WDR7: variants seen among roughly 807,000 people sequenced by gnomAD.
WDR7 encodes WD repeat-containing protein 7.
A neutral mutation model predicts 169.4 loss-of-function variants in WDR7; 46 were observed. That is an observed-to-expected ratio of 0.27 (90% CI 0.21 to 0.35). WDR7 has a LOEUF of 0.35. Ranked by LOEUF, WDR7 falls within the 10% of genes least tolerant of loss-of-function variation. The pLI is 1.00. For missense variants in WDR7, 1,534 were observed against 1,859.3 expected (o/e 0.83, Z 3.22); for synonymous variants, 612 against 666.8 (o/e 0.92, Z 1.27).
intron 12 of WDR7, among the ~76,000 whole-genome samples, chr18:56,716,665 G>A (rs2026198994): frequency 6.6e-6 from 1 of 152,154 alleles, no homozygotes; most frequent in South Asian, 2.1e-4. Flanking sequence ...GTTATAGACA[G>A]AAAATTCAGT....
At chr18:56,907,788 G>A (rs775752983) in intron 21 of WDR7, among the ~76,000 whole-genome samples, 6 of 152,086 alleles carry the variant, frequency 3.9e-5, no homozygotes, top group Admixed American at 3.3e-4. Flanking sequence ...TAGAAAGGGT[G>A]AACAAACTCC....
chr18:56,919,457 C>T (rs575428651), intron 21 of WDR7, among the ~76,000 whole-genome samples: 8 of 151,798 alleles, frequency 5.3e-5, no homozygotes, highest in African/African-American at 1.9e-4. Flanking sequence ...GACAAAAACT[C>T]ATTGTTTGAG....
chr18:57,026,021 A>G (rs1347602713), intron 27 of WDR7, among the ~76,000 whole-genome samples: 1 of 152,244 alleles, frequency 6.6e-6, no homozygotes, highest in Non-Finnish European at 1.5e-5. Flanking sequence ...TGTTATTTCC[A>G]AGGCTTCTTT....
chr18:56,812,218 T>C (rs1013549022), intron 19 of WDR7, among the ~76,000 whole-genome samples: 6 of 152,228 alleles, frequency 3.9e-5, no homozygotes, highest in Non-Finnish European at 8.8e-5. Flanking sequence ...TATTTTAGTT[T>C]TTATAATTAC....
At chr18:57,015,268 A>G (rs1277844205) in intron 26 of WDR7, among the ~76,000 whole-genome samples, 1 of 152,224 alleles carries the variant, frequency 6.6e-6, no homozygotes, top group Non-Finnish European at 1.5e-5. Context: ...GTTCATCGTG[A>G]TAATTAAATT....
rs71169386 is a variant in WDR7, at chr18:56,666,201, C to CTTTTTTTT, written c.-19-6284_-19-6277dup. On this transcript the variant is annotated intron_variant, in intron 1 of 27. Transcript: ENST00000254442. ...TACTATTTCATCTTCATTCCTTCGT[C>CTTTTTTTT]TTTTTTTTTTTTTTTTTTTGAGCCG... 3.9e-4 allele frequency among the ~76,000 whole-genome samples: 39 copies of CTTTTTTTT among 101,010 alleles called. 2 individuals carry two copies. The highest frequency in any genetic ancestry group is 3.1e-3 in the South Asian group (8 of 2,560). 66.3% of individuals were successfully genotyped at this position (101,010 alleles called of 152,430 possible).
chr18:56,997,559 C>T (rs146962782), intron 26 of WDR7, among the ~76,000 whole-genome samples: 56 of 152,230 alleles, frequency 3.7e-4, no homozygotes, highest in African/African-American at 1.3e-3. Flanking sequence ...CCTTGTCAAC[C>T]AAAGGAGGTA....
At chr18:56,972,367 C>T (rs2047500727) in intron 26 of WDR7, among the ~76,000 whole-genome samples, 1 of 152,174 alleles carries the variant, frequency 6.6e-6, no homozygotes, top group Non-Finnish European at 1.5e-5. Context: ...GAATTTTGAG[C>T]TTCGGGCACA....
At chr18:56,839,840 G>T (rs2045453839) in intron 20 of WDR7, among the ~76,000 whole-genome samples, 1 of 152,086 alleles carries the variant, frequency 6.6e-6, no homozygotes, top group Admixed American at 6.6e-5. Flanking sequence ...AGGCAGTCAG[G>T]TCACGCCGTC....
chr18:56,670,579 C>T (rs560321164), intron 1 of WDR7, among the ~76,000 whole-genome samples: 68 of 152,180 alleles, frequency 4.5e-4, no homozygotes, highest in Admixed American at 1.3e-3. Flanking sequence ...GGCGCGATCT[C>T]GGCTCACTGC....
intron 19 of WDR7, among the ~76,000 whole-genome samples, chr18:56,789,589 C>A (rs1169642502): frequency 6.6e-6 from 1 of 152,206 alleles, no homozygotes; most frequent in Non-Finnish European, 1.5e-5. Flanking sequence ...ATGGGGGAGT[C>A]CATCCAGTGT....
In WDR7 at chr18:56,755,500, C is replaced by T. The variant is rs915965470; in HGVS notation, c.1990-1083C>T. ...AAAGATAAGTGGTCTGAATTTCTGT[C>T]GTGACAGCGGGATAGGAAGAAAACA... On this transcript the variant is annotated intron_variant, in intron 14 of 27. Transcript: ENST00000254442. Among the ~76,000 whole-genome samples, 4 of 152,052 alleles carry T rather than the reference C, an allele frequency of 2.6e-5. 1 individual carries two copies. Among genetic ancestry groups the T allele is most frequent in the South Asian group, 2.1e-4 (1 of 4,824 alleles).
At chr18:56,784,091 AC>A (rs2044359041) in intron 19 of WDR7, among the ~76,000 whole-genome samples, 1 of 152,170 alleles carries the variant, frequency 6.6e-6, no homozygotes, top group Admixed American at 6.5e-5. Context: ...CTTGTAAAGT[AC>A]CCACTATTGC....
intron 16 of WDR7, among the ~76,000 whole-genome samples, chr18:56,772,807 A>C (rs751151901): frequency 7.9e-5 from 12 of 152,122 alleles, no homozygotes; most frequent in Non-Finnish European, 1.5e-4. Flanking sequence ...GGCAAAGTTA[A>C]ATCATCTTCC....
intron 25 of WDR7, among the ~76,000 whole-genome samples, chr18:56,945,731 A>G (rs2047094124): frequency 6.6e-6 from 1 of 152,174 alleles, no homozygotes; most frequent in African/African-American, 2.4e-5. Flanking sequence ...CAGCCACTAC[A>G]GCTGACTTTC....
At chr18:56,780,854 T>A (rs1456941593) in intron 18 of WDR7, among the ~76,000 whole-genome samples, 1 of 152,252 alleles carries the variant, frequency 6.6e-6, no homozygotes, top group African/African-American at 2.4e-5. Context: ...TTTTTTGACT[T>A]CATGCCTGTG....
intron 26 of WDR7, among the ~76,000 whole-genome samples, chr18:56,989,809 C>T (rs1178327406): frequency 6.6e-6 from 1 of 151,948 alleles, no homozygotes; most frequent in Non-Finnish European, 1.5e-5. Context: ...TGAAAATGTC[C>T]AGAATATTAT....
intron 26 of WDR7, among the ~76,000 whole-genome samples, chr18:56,989,325 C>T (rs1452865997): frequency 1.3e-5 from 2 of 152,110 alleles, no homozygotes; most frequent in African/African-American, 4.8e-5. Flanking sequence ...GTTAATTTTT[C>T]TCAAGCTCCT....
intron 26 of WDR7, among the ~76,000 whole-genome samples, chr18:56,977,394 G>A (rs1052728894): frequency 6.6e-6 from 1 of 152,022 alleles, no homozygotes; most frequent in Admixed American, 6.6e-5. Flanking sequence ...TGGAAGATTC[G>A]GCTCTGATCC....
Sources: allele counts gnomAD v4.1 joint callset (sites outside exome capture counted in the v4.1 genomes callset), GRCh38; gene constraint gnomAD v4.1.1; transcripts MANE v1.5; gene names NCBI Gene and HGNC (gene_info 2026-07-23, HGNC 2026-07-21).